MYO9B: variants seen among roughly 807,000 people sequenced by gnomAD.
The protein encoded by MYO9B is myosin IXB, also known as unconventional myosin-IXb.
MYO9B carries 71 observed loss-of-function variants against 229.5 expected under a neutral mutation model. The ratio of observed to expected loss-of-function variants is 0.31; its 90% CI spans 0.26 to 0.38. The LOEUF (loss-of-function observed/expected upper bound fraction) is 0.38. MYO9B is among the 10% of genes least tolerant of loss of function. The pLI is 1.00. For missense variants in MYO9B, 2,255 were observed against 2,920.5 expected (o/e 0.77, Z 5.25); for synonymous variants, 1,185 against 1,235.8 (o/e 0.96, Z 0.86).
chr19:17,211,610 G>A, intron 38 of MYO9B, 37 bp from the exon 39 acceptor site: 2 of 1,548,546 alleles, frequency 1.3e-6, no homozygotes, highest in Non-Finnish European at 8.7e-7. Context: ...CACTTCCGGT[G>A]GGGTGGCCTT....
intron 3 of MYO9B, among the ~76,000 whole-genome samples, chr19:17,151,315 G>A (rs959936229): frequency 6.6e-6 from 1 of 151,562 alleles, no homozygotes; most frequent in African/African-American, 2.4e-5. Context: ...ATAAATAAAC[G>A]GCAGAACACC....
In MYO9B at chr19:17,212,310, A is replaced by G; in HGVS notation, c.6474A>G (p.Ter2158TrpextTer95). 1 of 1,489,518 alleles carries G rather than the reference A, an allele frequency of 6.7e-7. No individual in the cohort carries two copies. Among genetic ancestry groups the G allele is most frequent in the Non-Finnish European group, 8.9e-7 (1 of 1,128,162 alleles). 92.3% of individuals were successfully genotyped at this position (1,489,518 alleles called of 1,614,324 possible). ...CCGCCTCGGGCCAGACCAATGGCTG[A>G]GAGCCACAGCTGACAAAGTCTGCAT... ...LPPASGQTNG[*>W] Residue 2158 changes from the stop codon to tryptophan (W), a stop_lost, in exon 40 of 40, where the codon TGA becomes TGG. Transcript: ENST00000682292. The surrounding 1 kb of genome is among the most constrained non-coding windows in gnomAD (Gnocchi z 5.4).
Position 17,200,874 on chromosome 19 carries a change from A to C in MYO9B, c.4563+45A>C, listed in dbSNP as rs760887376. 22 of 1,589,016 alleles carry C rather than the reference A, an allele frequency of 1.4e-5. No homozygotes were observed. In the East Asian group the frequency reaches 4.7e-4, roughly 34 times the overall value. On this transcript the variant is annotated intron_variant, in intron 26 of 39. Transcript: ENST00000682292. ...GCCAGGGGCATGAGGCCCGGTCCCCAGGGGAACCATCACAGCCAGGCATTG... is the reference window on the plus strand; with the variant it reads ...GCCAGGGGCATGAGGCCCGGTCCCCCGGGGAACCATCACAGCCAGGCATTG...
chr19:17,145,156 G>A (rs2072393559), intron 2 of MYO9B, among the ~76,000 whole-genome samples: 1 of 151,660 alleles, frequency 6.6e-6, no homozygotes, highest in Non-Finnish European at 1.5e-5. Context: ...CACATCTGTA[G>A]TCCCAGCTAC....
Position 17,169,349 on chromosome 19 carries a change from G to A in MYO9B, c.1793+1285G>A, listed in dbSNP as rs190048205. On this transcript the variant is annotated intron_variant, in intron 11 of 39. Coordinates refer to ENST00000682292, the MANE Select transcript of MYO9B (RefSeq NM_004145.4). ...ATCACTCCATTGCACTCCAGCCTGG[G>A]TGACAGACCAAGACTCTGTCTCAAA... Among the ~76,000 whole-genome samples the A allele has an allele frequency of 2.7e-3, 379 of 141,150 alleles. 1 individual carries two copies. The highest frequency in any genetic ancestry group is 9.7e-3 in the African/African-American group (369 of 38,106). 92.6% of individuals were successfully genotyped at this position (141,150 alleles called of 152,430 possible).
chr19:17,103,412 C>G (rs1050897534), intron 2 of MYO9B: 1 of 152,190 alleles, frequency 6.6e-6, no homozygotes, highest in Non-Finnish European at 1.5e-5. Context: ...AAAAAGGGAG[C>G]GGGGAGAGGC....
intron 2 of MYO9B, among the ~76,000 whole-genome samples, chr19:17,137,527 G>C (rs746959551): frequency 2.4e-4 from 36 of 152,014 alleles, no homozygotes; most frequent in Non-Finnish European, 4.6e-4. Flanking sequence ...ATCTCTCTCT[G>C]GGGCCCCCTC....
At chr19:17,082,754 G>A (rs901356312) in intron 1 of MYO9B, among the ~76,000 whole-genome samples, 6 of 152,078 alleles carry the variant, frequency 3.9e-5, no homozygotes, top group Non-Finnish European at 8.8e-5. Context: ...GTACTTATTT[G>A]GCCCATAGGT....
chr19:17,076,030 G>A (rs1335499893), intron 1 of MYO9B, among the ~76,000 whole-genome samples, 156 bp downstream of exon 1: 1 of 151,718 alleles, frequency 6.6e-6, no homozygotes, highest in Non-Finnish European at 1.5e-5. Context: ...GATTGCTGGG[G>A]ATGAGGTGGA....
chr19:17,211,712 C>G lies in MYO9B; in HGVS notation c.5996C>G (p.Ser1999Trp), dbSNP rs752475898. 2.5e-6 allele frequency: 4 copies of G among 1,612,424 alleles called. No homozygotes were observed. The highest frequency in any genetic ancestry group is 2.5e-6 in the Non-Finnish European group (3 of 1,179,580). The change falls in exon 39 of 40, where the codon TCG becomes TGG. Residue 1999 changes from serine (S) to tryptophan (W), a missense_variant. Transcript: ENST00000682292. ...PRGSDEENLD[S>W]ETSASTESLL... ...GGCTCGGACGAGGAGAACCTGGACT[C>G]GGAGACGTCGGCCAGCACCGAGAGC...
intron 36 of MYO9B, 79 bp from the exon 37 acceptor site, chr19:17,210,254 C>A: frequency 7.1e-7 from 1 of 1,402,012 alleles, no homozygotes; most frequent in Non-Finnish European, 9.6e-7. Flanking sequence ...ATCTTGGTAC[C>A]GGTCATTGGA....
intron 16 of MYO9B, chr19:17,184,137 G>C (rs1007361624): frequency 7.4e-5 from 38 of 513,226 alleles, no homozygotes; most frequent in Non-Finnish European, 1.1e-4. Context: ...AGGGGTGAGG[G>C]AGGAAGCTAG....
chr19:17,198,598 G>A (rs939407990), intron 24 of MYO9B, among the ~76,000 whole-genome samples: 1 of 152,072 alleles, frequency 6.6e-6, no homozygotes, highest in East Asian at 1.9e-4. Context: ...AGTTGGGCAT[G>A]ATGGCAGGCA....
chr19:17,163,145 A>T (rs1020528303), intron 10 of MYO9B, 23 bp downstream of exon 10: 2 of 1,545,448 alleles, frequency 1.3e-6, no homozygotes, highest in African/African-American at 2.7e-5. Flanking sequence ...CTTTTTTGTC[A>T]ATTTTTTGAA....
At chr19:17,114,624 C>T (rs544135914) in intron 2 of MYO9B, among the ~76,000 whole-genome samples, 2 of 152,292 alleles carry the variant, frequency 1.3e-5, no homozygotes, top group Admixed American at 1.3e-4. Flanking sequence ...GTAACATGCT[C>T]CCTGCTGGGG....
chr19:17,145,477 T>A lies in MYO9B; in HGVS notation c.921T>A (p.Ser307Arg). The part of the protein sequence containing the change: ...GKFIQVSYLE[S>R]GIVRGAVVEK... Reference sequence around the variant, plus strand: ...TCATCCAAGTCAGCTACCTAGAGAGTGGCATCGTGAGAGGGTGAGGTGTCC... The same window carrying A: ...TCATCCAAGTCAGCTACCTAGAGAGAGGCATCGTGAGAGGGTGAGGTGTCC... Residue 307 changes from serine to arginine, a missense_variant, in exon 3 of 40, where the codon AGT becomes AGA. This residue lies in a region of MYO9B where 386 missense variants were observed against 515.2 expected (regional missense o/e 0.75). Transcript: ENST00000682292. 3 of 1,613,572 alleles carry A rather than the reference T, an allele frequency of 1.9e-6. No homozygotes were observed. Among genetic ancestry groups the A allele is most frequent in the Non-Finnish European group, 2.5e-6 (3 of 1,179,768 alleles).
intron 32 of MYO9B, 22 bp from the exon 33 acceptor site, chr19:17,206,226 A>AGGGCCCCCC: frequency 1.5e-6 from 1 of 654,260 alleles, no homozygotes; most frequent in Non-Finnish European, 2.5e-6. Flanking sequence ...CGCTCACCAG[A>AGGGCCCCCC]CCCACCCCAC....
intron 2 of MYO9B, among the ~76,000 whole-genome samples, chr19:17,126,164 C>G (rs1194745974): frequency 6.6e-6 from 1 of 152,212 alleles, no homozygotes; most frequent in African/African-American, 2.4e-5. Context: ...AGCTAAACTT[C>G]TCATTTCCTC....
rs1247854531 is a variant in MYO9B at position 17,187,981 on chromosome 19, A to G, written c.2624A>G (p.Tyr875Cys). 1.2e-6 allele frequency: 2 copies of G among 1,601,668 alleles called. No homozygotes were observed. Among genetic ancestry groups the G allele is most frequent in the African/African-American group, 2.7e-5 (2 of 74,690 alleles). ...GAGCTGGTCCTGCAGCAGCTGCGCTACACCGGCATGCTGGAGACCGTGCGC... is the reference window on the plus strand; with the variant it reads ...GAGCTGGTCCTGCAGCAGCTGCGCTGCACCGGCATGCTGGAGACCGTGCGC... ...DDELVLQQLR[Y>C]TGMLETVRIR... is the part of the protein sequence containing the mutation. Residue 875 changes from tyrosine to cysteine, a missense_variant, in exon 19 of 40, where the codon TAC (tyrosine) becomes TGC (cysteine). Physicochemically the swap from Tyr to Cys is radical, Grantham distance 194 (BLOSUM62 -2). This residue lies in a region of MYO9B where 68 missense variants were observed against 133.5 expected (regional missense o/e 0.51). Transcript: ENST00000682292.
Sources: allele counts gnomAD v4.1 joint callset (sites outside exome capture counted in the v4.1 genomes callset), GRCh38; gene constraint gnomAD v4.1.1; regional missense constraint gnomAD v4.1.1; non-coding constraint Gnocchi (gnomAD v3.1); transcripts MANE v1.5; gene names NCBI Gene and HGNC (gene_info 2026-07-23, HGNC 2026-07-21).